The following RAPGEF6 variants were observed in gnomAD, a reference collection of about 807,000 sequenced individuals.
The protein encoded by RAPGEF6 is PDZ domain containing guanine nucleotide exchange factor (GEF) 2.
Under a neutral mutation model 171.4 loss-of-function variants are expected in RAPGEF6, and 56 were observed. The ratio of observed to expected loss-of-function variants is 0.33; its 90% CI spans 0.26 to 0.41. RAPGEF6 has a LOEUF of 0.41. RAPGEF6 is among the 10% of genes least tolerant of loss of function. RAPGEF6 has a pLI of 1.00. For missense variants in RAPGEF6, 1,674 were observed against 1,921.4 expected (o/e 0.87, Z 2.41); for synonymous variants, 692 against 650.1 (o/e 1.06, Z -0.98).
At chr5:131,497,286 T>C (rs1302833970) in intron 12 of RAPGEF6, among the ~76,000 whole-genome samples, 1 of 152,244 alleles carries the variant, frequency 6.6e-6, no homozygotes, top group Non-Finnish European at 1.5e-5. Flanking sequence ...TTATCAGATA[T>C]ATAATTTTCT....
rs558685598 is a variant in RAPGEF6, at chr5:131,458,365, G to A, written c.2865-2353C>T. ...TCTGCTGCCATGTAAGACACGCCATGTTTGCCCTTCGCCTTCCACTATGAT... is the reference window on the plus strand; with the variant it reads ...TCTGCTGCCATGTAAGACACGCCATATTTGCCCTTCGCCTTCCACTATGAT... On this transcript the variant is annotated intron_variant, in intron 19 of 27. Coordinates refer to ENST00000509018, the MANE Select transcript of RAPGEF6 (RefSeq NM_016340.6). 5.9e-5 allele frequency among the ~76,000 whole-genome samples: 9 copies of A among 152,302 alleles called. No individual in the cohort carries two copies. The South Asian group carries it at 1.9e-3, about 32-fold the overall frequency.
chr5:131,569,839 G>A (rs918004700), intron 4 of RAPGEF6, among the ~76,000 whole-genome samples: 34 of 152,032 alleles, frequency 2.2e-4, no homozygotes, highest in African/African-American at 7.7e-4. Context: ...TCAGGAGTTT[G>A]AGGCCAGCCT....
At chr5:131,626,865 T>C (rs1765963446) in intron 1 of RAPGEF6, among the ~76,000 whole-genome samples, 1 of 152,196 alleles carries the variant, frequency 6.6e-6, no homozygotes, top group Non-Finnish European at 1.5e-5. Context: ...GCTTCTCTTT[T>C]AATTCACAAA....
chr5:131,436,466 C>A (rs1423801912), intron 24 of RAPGEF6: 2 of 1,217,660 alleles, frequency 1.6e-6, no homozygotes, highest in Non-Finnish European at 2.2e-6. Context: ...AAAATTCTAA[C>A]ATCTTGATAA....
Position 131,425,886 on chromosome 5 carries a change from C to CTTTTTTTTTTTTTTTTTT in RAPGEF6, c.*1362_*1379dup, listed in dbSNP as rs376096619. The CTTTTTTTTTTTTTTTTTT allele has an allele frequency of 1.2e-5, 1 of 84,432 alleles. No individual in the cohort carries two copies. The highest frequency in any genetic ancestry group is 4.5e-5 in the African/African-American group (1 of 22,026). 5.2% of individuals were successfully genotyped at this position (84,432 alleles called of 1,614,324 possible). ...GGGTAGTGCACGTTAATGGCTTTGG[C>CTTTTTTTTTTTTTTTTTT]TTTTTTTTTTTTTTTTTTTTTGGTA... On this transcript the variant is annotated 3_prime_UTR_variant, in exon 28 of 28. Coordinates refer to ENST00000509018, the MANE Select transcript of RAPGEF6 (RefSeq NM_016340.6).
chr5:131,495,392 G>A (rs950617525), intron 13 of RAPGEF6, among the ~76,000 whole-genome samples, 161 bp downstream of exon 13: 3 of 152,052 alleles, frequency 2.0e-5, no homozygotes, highest in Middle Eastern at 6.8e-3. Flanking sequence ...TAATTGAGGT[G>A]GCAGAGAATA....
At chr5:131,436,305 T>C in intron 24 of RAPGEF6, 4 of 1,537,552 alleles carry the variant, frequency 2.6e-6, no homozygotes, top group Non-Finnish European at 3.5e-6. Flanking sequence ...GGATTTTCTT[T>C]TGCAAGTAAG....
chr5:131,583,332 A>C (rs2149994242), intron 4 of RAPGEF6, among the ~76,000 whole-genome samples: 1 of 152,292 alleles, frequency 6.6e-6, no homozygotes, highest in South Asian at 2.1e-4. Context: ...TAAAACAGAG[A>C]TCATAAGACT....
At chr5:131,510,551 C>A in intron 7 of RAPGEF6, 60 bp from the exon 8 acceptor site, 2 of 1,513,960 alleles carry the variant, frequency 1.3e-6, no homozygotes, top group South Asian at 2.5e-5. Context: ...AAGTCACAGT[C>A]TGAATTAATC....
chr5:131,588,944 C>G (rs1209781683), intron 4 of RAPGEF6, among the ~76,000 whole-genome samples: 2 of 151,918 alleles, frequency 1.3e-5, no homozygotes, highest in Non-Finnish European at 2.9e-5. Context: ...GTGGTGCATG[C>G]CTGTAATCCC....
chr5:131,446,462 T>G, intron 22 of RAPGEF6, 21 bp downstream of exon 22: 14 of 1,590,856 alleles, frequency 8.8e-6, no homozygotes, highest in Non-Finnish European at 1.1e-5. Context: ...TAGCGTCACA[T>G]AAATGAAAAC....
chr5:131,450,451 T>C (rs1752992322), intron 21 of RAPGEF6, among the ~76,000 whole-genome samples: 1 of 152,116 alleles, frequency 6.6e-6, no homozygotes, highest in Non-Finnish European at 1.5e-5. Context: ...GGGCCACTCA[T>C]TTAAGTGACA....
chr5:131,548,202 G>A lies in RAPGEF6; in HGVS notation c.352-12C>T. 5.6e-6 allele frequency: 9 copies of A among 1,612,474 alleles called. No homozygotes were observed. The highest frequency in any genetic ancestry group is 7.6e-6 in the Non-Finnish European group (9 of 1,179,008). On this transcript the variant is annotated splice_polypyrimidine_tract_variant and intron_variant, in intron 5 of 27. Transcript: ENST00000509018. Reference sequence around the variant, plus strand: ...TTGGCATTCTCTACCTGAAACACATGTTCATATTCCTGATGAAATATCAAA... The same window carrying A: ...TTGGCATTCTCTACCTGAAACACATATTCATATTCCTGATGAAATATCAAA...
rs201921162 is a variant in RAPGEF6, at chr5:131,464,048, T to G, written c.2473A>C (p.Asn825His). The change falls in exon 18 of 28, where the codon AAT becomes CAT. Residue 825 changes from asparagine to histidine, a missense_variant. Asn to His is a moderately conservative substitution (Grantham distance 68). Coordinates refer to ENST00000509018, the MANE Select transcript of RAPGEF6 (RefSeq NM_016340.6). ...ACTAATAAGCTTATTCACCTTCCAT[T>G]GAGTTGAATTCTATCAGCTAATTTG... ...FSKLADRIQL[N>H]GRYYLKNNME... The G allele has an allele frequency of 3.5e-5, 56 of 1,590,860 alleles. No homozygotes were observed. Among genetic ancestry groups the G allele is most frequent in the Non-Finnish European group, 4.5e-5 (53 of 1,168,158 alleles).
At chr5:131,576,710 G>T (rs184788729) in intron 4 of RAPGEF6, among the ~76,000 whole-genome samples, 1 of 152,258 alleles carries the variant, frequency 6.6e-6, no homozygotes, top group East Asian at 1.9e-4. Flanking sequence ...TTCTCCCACT[G>T]AAACTATTAC....
At chr5:131,565,004 T>C (rs1296866262) in intron 4 of RAPGEF6, among the ~76,000 whole-genome samples, 4 of 152,154 alleles carry the variant, frequency 2.6e-5, no homozygotes, top group African/African-American at 9.7e-5. Flanking sequence ...ACTGAAAGCA[T>C]TATTAGGGCT....
intron 6 of RAPGEF6, among the ~76,000 whole-genome samples, chr5:131,545,797 C>A (rs1006487956): frequency 6.6e-6 from 1 of 152,280 alleles, no homozygotes; most frequent in East Asian, 1.9e-4. Flanking sequence ...TTCTCTAACC[C>A]GGTCTCATAG....
chr5:131,568,266 TTC>T (rs1456190238), intron 4 of RAPGEF6, among the ~76,000 whole-genome samples: 17 of 152,208 alleles, frequency 1.1e-4, no homozygotes, highest in Non-Finnish European at 2.9e-5. Context: ...CTACTATCAT[TTC>T]TGTCAAATAT....
chr5:131,520,995 A>G (rs1758437954), intron 7 of RAPGEF6, among the ~76,000 whole-genome samples: 1 of 152,214 alleles, frequency 6.6e-6, no homozygotes, highest in African/African-American at 2.4e-5. Flanking sequence ...ATGGTAGAAA[A>G]GCAGCTCTAA....
Sources: allele counts gnomAD v4.1 joint callset (sites outside exome capture counted in the v4.1 genomes callset), GRCh38; gene constraint gnomAD v4.1.1; transcripts MANE v1.5; gene names NCBI Gene and HGNC (gene_info 2026-07-23, HGNC 2026-07-21).